Variants in GPC5 observed in about 807,000 individuals in gnomAD.
GPC5 encodes the protein glypican 5.
In GPC5, 47 loss-of-function variants were observed where a neutral mutation model predicts 53.9. The observed-to-expected ratio is 0.87, with a 90% CI of 0.69 to 1.11. The LOEUF is 1.11. Ranked by LOEUF, GPC5 falls within the 50% of genes most tolerant of loss-of-function variation. The pLI is 0.00. For synonymous variants in GPC5, 286 were observed against 263.3 expected (o/e 1.09, Z -0.84); for missense variants, 748 against 713.1 (o/e 1.05, Z -0.56).
At chr13:92,597,906 A>C (rs2139076377) in intron 7 of GPC5, among the ~76,000 whole-genome samples, 1 of 152,342 alleles carries the variant, frequency 6.6e-6, no homozygotes, top group Admixed American at 6.5e-5. Context: ...ACACTTCAGT[A>C]GTGCTGAATA....
chr13:92,380,923 AAG>A (rs2043733795), intron 7 of GPC5, among the ~76,000 whole-genome samples: 1 of 151,270 alleles, frequency 6.6e-6, no homozygotes, highest in African/African-American at 2.4e-5. Context: ...AAAGAAAAAA[AAG>A]AAAAAAAAAA....
intron 2 of GPC5, among the ~76,000 whole-genome samples, chr13:91,581,626 C>T (rs965369581): frequency 6.6e-6 from 1 of 152,170 alleles, no homozygotes; most frequent in Admixed American, 6.5e-5. Flanking sequence ...CATCAATTTG[C>T]TTGTGCATAA....
At chr13:91,744,400 T>C (rs1030659710) in intron 4 of GPC5, among the ~76,000 whole-genome samples, 6 of 152,170 alleles carry the variant, frequency 3.9e-5, no homozygotes, top group Admixed American at 1.3e-4. Flanking sequence ...ATAGCTTATT[T>C]TATCTGAGCA....
intron 1 of GPC5, among the ~76,000 whole-genome samples, chr13:91,427,189 G>A (rs1879118288): frequency 6.6e-6 from 1 of 152,230 alleles, no homozygotes; most frequent in South Asian, 2.1e-4. Context: ...ACTGCCTAGT[G>A]CAGCTGTGAG....
intron 2 of GPC5, among the ~76,000 whole-genome samples, chr13:91,683,245 C>T (rs2035548876): frequency 1.3e-5 from 2 of 152,040 alleles, no homozygotes; most frequent in African/African-American, 2.4e-5. Flanking sequence ...ATGGCAGCAG[C>T]CACCAGCAGC....
intron 7 of GPC5, among the ~76,000 whole-genome samples, chr13:92,403,005 G>A (rs77137850): frequency 0.016 from 2,451 of 152,240 alleles, 65 homozygotes; most frequent in African/African-American, 0.055. Context: ...ACCTGAGAAT[G>A]TTAAGTATGT....
intron 2 of GPC5, among the ~76,000 whole-genome samples, chr13:91,499,602 C>G (rs189621619): frequency 2.6e-4 from 39 of 152,322 alleles, no homozygotes; most frequent in African/African-American, 8.9e-4. Flanking sequence ...ACTCCTGCCT[C>G]ACTTCTGCTG....
chr13:91,731,226 C>G (rs549838450), intron 4 of GPC5, among the ~76,000 whole-genome samples: 5 of 152,294 alleles, frequency 3.3e-5, no homozygotes, highest in African/African-American at 1.2e-4. Context: ...GTAGTCACCA[C>G]GTATAAAGGA....
At chr13:91,947,085 A>G (rs1317253062) in intron 6 of GPC5, among the ~76,000 whole-genome samples, 1 of 152,176 alleles carries the variant, frequency 6.6e-6, no homozygotes, top group Non-Finnish European at 1.5e-5. Context: ...CATTGCACAC[A>G]GAAGAACCCT....
chr13:91,476,924 C>G (rs1448167348), intron 2 of GPC5, among the ~76,000 whole-genome samples: 5 of 152,254 alleles, frequency 3.3e-5, no homozygotes, highest in South Asian at 4.1e-4. Flanking sequence ...GTGATCCATA[C>G]CATGTTAGGG....
At chr13:92,777,624 A>C (rs1875867706) in intron 7 of GPC5, among the ~76,000 whole-genome samples, 1 of 152,150 alleles carries the variant, frequency 6.6e-6, no homozygotes, top group African/African-American at 2.4e-5. Flanking sequence ...TCTCAAAACA[A>C]AACAAAACAA....
chr13:92,575,034 A>G (rs1883148310), intron 7 of GPC5, among the ~76,000 whole-genome samples: 1 of 152,116 alleles, frequency 6.6e-6, no homozygotes, highest in Non-Finnish European at 1.5e-5. Context: ...TGAAGCTTAA[A>G]ACCTCCTGAG....
rs370984708 is a variant in GPC5, at chr13:91,438,853, G to C, written c.164-9908G>C. ...CACTTTGTTTACCTACTCAAGCGTC[G>C]GTAATGGCGGGCGCCCCTCCCCCAG... On this transcript the variant is annotated intron_variant, in intron 1 of 7. Coordinates refer to ENST00000377067, the MANE Select transcript of GPC5 (RefSeq NM_004466.6). 3.3e-5 allele frequency among the ~76,000 whole-genome samples: 5 copies of C among 152,280 alleles called. 1 individual carries two copies. Among genetic ancestry groups the C allele is most frequent in the Admixed American group, 1.3e-4 (2 of 15,300 alleles).
intron 2 of GPC5, among the ~76,000 whole-genome samples, chr13:91,668,560 C>T (rs1487865004): frequency 6.6e-6 from 1 of 152,050 alleles, no homozygotes; most frequent in Non-Finnish European, 1.5e-5. Flanking sequence ...TTAGAAGAAT[C>T]TTGTATCCTA....
intron 6 of GPC5, among the ~76,000 whole-genome samples, chr13:92,035,770 A>AC (rs1555306065): frequency 2.7e-5 from 4 of 150,782 alleles, no homozygotes; most frequent in Admixed American, 6.6e-5. Context: ...AAAAAAAACA[A>AC]AAAAAACAAT....
At chr13:91,777,165 TTTA>T (rs1323562302) in intron 5 of GPC5, among the ~76,000 whole-genome samples, 1 of 152,192 alleles carries the variant, frequency 6.6e-6, no homozygotes, top group Non-Finnish European at 1.5e-5. Context: ...TACAGACATG[TTTA>T]TTATTTGTCA....
chr13:91,462,621 T>C (rs1882004686), intron 2 of GPC5, among the ~76,000 whole-genome samples: 1 of 152,106 alleles, frequency 6.6e-6, no homozygotes, highest in African/African-American at 2.4e-5. Flanking sequence ...CCTCTTTACA[T>C]AAGGAAAGCT....
At chr13:92,822,002 A>T (rs1381734467) in intron 7 of GPC5, among the ~76,000 whole-genome samples, 3 of 151,704 alleles carry the variant, frequency 2.0e-5, no homozygotes, top group Non-Finnish European at 4.4e-5. Context: ...CCAGAAAGGC[A>T]GTATTTTAGT....
At chr13:91,910,131 C>A (rs1399175348) in intron 6 of GPC5, among the ~76,000 whole-genome samples, 1 of 152,144 alleles carries the variant, frequency 6.6e-6, no homozygotes, top group Non-Finnish European at 1.5e-5. Context: ...GCACAGGTGT[C>A]ACTGAAACAT....
Sources: allele counts gnomAD v4.1 joint callset (sites outside exome capture counted in the v4.1 genomes callset), GRCh38; gene constraint gnomAD v4.1.1; transcripts MANE v1.5; gene names NCBI Gene and HGNC (gene_info 2026-07-23, HGNC 2026-07-21).